The following OR52N5 variants were observed in gnomAD, a reference collection of about 807,000 sequenced individuals.
OR52N5 encodes the protein olfactory receptor 52N5.
In OR52N5, 10 loss-of-function variants were observed where a neutral mutation model predicts 14.1. That is an observed-to-expected ratio of 0.71 (90% CI 0.44 to 1.20). The LOEUF (loss-of-function observed/expected upper bound fraction) is 1.20, where lower values mean the gene tolerates loss of function less well. Among genes scored for constraint, OR52N5 ranks in the 50% most tolerant of loss-of-function variants. The probability of loss-of-function intolerance (pLI) is 0.00; values close to 1 mark genes in which losing one functional copy is unlikely to be tolerated. For synonymous variants in OR52N5, 116 were observed against 143.0 expected (o/e 0.81, Z 1.35); for missense variants, 361 against 403.2 (o/e 0.90, Z 0.90).
rs1854546830 is a variant in OR52N5 at position 5,781,175 on chromosome 11, T to G, written c.-24+358A>C. Reference sequence around the variant, plus strand: ...AATGCAGAAGTTGTGGACTAACATGTAGTAGTTCAGTGATTTATTTTCTCA... The same window carrying G: ...AATGCAGAAGTTGTGGACTAACATGGAGTAGTTCAGTGATTTATTTTCTCA... On this transcript the variant is annotated intron_variant, in intron 2 of 2. Coordinates refer to ENST00000641181, the MANE Select transcript of OR52N5 (RefSeq NM_001385662.1). Among the ~76,000 whole-genome samples the G allele has an allele frequency of 2.1e-5, 3 of 139,836 alleles. No homozygotes were observed. In the Admixed American group the frequency reaches 2.2e-4, roughly 10 times the overall value. 91.7% of individuals were successfully genotyped at this position (139,836 alleles called of 152,430 possible).
In OR52N5 at chr11:5,778,538, C is replaced by G. The variant is rs1367825962; in HGVS notation, c.97G>C (p.Val33Leu). ...NGIPGLERVHVWISLPLCTMY... is the reference protein window; with the variant it reads ...NGIPGLERVHLWISLPLCTMY... Reference sequence around the variant, plus strand: ...GTGCAGAGTGGGAGGGAGATCCATACATGTACTCTTTCCAGACCAGGTATT... The same window carrying G: ...GTGCAGAGTGGGAGGGAGATCCATAGATGTACTCTTTCCAGACCAGGTATT... The change falls in exon 3 of 3, where the codon GTA (valine) becomes CTA (leucine). Residue 33 changes from valine (V) to leucine (L), a missense_variant. Coordinates refer to ENST00000641181, the MANE Select transcript of OR52N5 (RefSeq NM_001385662.1). 1 of 1,512,688 alleles carries G rather than the reference C, an allele frequency of 6.6e-7. No individual in the cohort carries two copies. Among genetic ancestry groups the G allele is most frequent in the East Asian group, 2.3e-5 (1 of 42,842 alleles). 93.7% of individuals were successfully genotyped at this position (1,512,688 alleles called of 1,614,324 possible). A position where few individuals can be genotyped will look rare whatever the true frequency, so the allele number is the denominator to read the frequency against.
intron 1 of OR52N5, among the ~76,000 whole-genome samples, chr11:5,782,864 C>G (rs1854559159): frequency 1.4e-5 from 2 of 138,222 alleles, no homozygotes; most frequent in Non-Finnish European, 3.2e-5. Context: ...GTTGTATGAC[C>G]CAACTTAAGA....
chr11:5,777,770 G>C lies in OR52N5; in HGVS notation c.865C>G (p.Leu289Val). Residue 289 changes from leucine to valine, a missense_variant, in exon 3 of 3, where the codon CTT becomes GTT. Coordinates refer to ENST00000641181, the MANE Select transcript of OR52N5 (RefSeq NM_001385662.1). ...AGAGTTGGGGGAAGAAGAAGATAAAGATTAGCCACAATGATGTGAAGAGAA... is the reference window on the plus strand; with the variant it reads ...AGAGTTGGGGGAAGAAGAAGATAAACATTAGCCACAATGATGTGAAGAGAA... Reference protein sequence around the residue: ...PPSLHIIVANLYLLLPPTLNP... With the variant: ...PPSLHIIVANVYLLLPPTLNP... 2 of 1,520,712 alleles carry C rather than the reference G, an allele frequency of 1.3e-6. 1 individual carries two copies. The highest frequency in any genetic ancestry group is 1.8e-6 in the Non-Finnish European group (2 of 1,114,356). The allele number at this position is 1,520,712 out of a possible 1,614,324, so 94.2% of individuals were successfully genotyped here.
At position 5,777,754 on chromosome 11, in the gene OR52N5, GGAA is replaced by G. The variant is rs755572387; in HGVS notation, c.878_880del (p.Leu293del). ...ATAAACAATAGGGTTTAGAGTTGGG[GGAA>G]GAAGAAGATAAAGATTAGCCACAAT... On this transcript the variant is annotated inframe_deletion, in exon 3 of 3. Transcript: ENST00000641181. The G allele has an allele frequency of 6.9e-5, 105 of 1,519,170 alleles. 22 individuals are homozygous for G. Among genetic ancestry groups the G allele is most frequent in the African/African-American group, 4.4e-4 (31 of 70,068 alleles). The allele number at this position is 1,519,170 out of a possible 1,614,324, so 94.1% of individuals were successfully genotyped here. A position where few individuals can be genotyped will look rare whatever the true frequency, so the allele number is the denominator to read the frequency against.
At position 5,777,685 on chromosome 11, in the gene OR52N5, A is replaced by T; in HGVS notation, c.950T>A (p.Phe317Tyr). 1 of 1,489,782 alleles carries T rather than the reference A, an allele frequency of 6.7e-7. No homozygotes were observed. The allele number at this position is 1,489,782 out of a possible 1,614,324, so 92.3% of individuals were successfully genotyped here. The change falls in exon 3 of 3, where the codon TTC (phenylalanine) becomes TAC (tyrosine). Residue 317 changes from phenylalanine (F) to tyrosine (Y), a missense_variant. Coordinates refer to ENST00000641181, the MANE Select transcript of OR52N5 (RefSeq NM_001385662.1). Reference protein sequence around the residue: ...KQIRKSVIKFFQGDKGAG With the variant: ...KQIRKSVIKFYQGDKGAG The stretch of plus-strand genomic sequence containing the variant: ...TCAACCTGCACCCTTATCACCCTGG[A>T]AGAACTTTATGACACTCTTGCGTAT...
chr11:5,781,004 T>C (rs1026720224), intron 2 of OR52N5, among the ~76,000 whole-genome samples: 1 of 140,374 alleles, frequency 7.1e-6, no homozygotes, highest in Non-Finnish European at 1.6e-5. Flanking sequence ...GAATGAGCTA[T>C]TGCCGTTAAA....
rs1360931471 is a variant in OR52N5 at position 5,776,294 on chromosome 11, G to C, written c.*1366C>G. On this transcript the variant is annotated 3_prime_UTR_variant, in exon 3 of 3. Coordinates refer to ENST00000641181, the MANE Select transcript of OR52N5 (RefSeq NM_001385662.1). The stretch of plus-strand genomic sequence containing the variant: ...ACTAACAAATGAAGCATGAATGAAT[G>C]AATCAGTGAATCAATGATTTAATCA... 7.1e-6 allele frequency: 1 copy of C among 140,012 alleles called. No individual in the cohort carries two copies. The highest frequency in any genetic ancestry group is 1.6e-5 in the Non-Finnish European group (1 of 63,306). 8.7% of individuals were successfully genotyped at this position (140,012 alleles called of 1,614,324 possible).
chr11:5,782,110 A>G lies in OR52N5; in HGVS notation c.-247-354T>C, dbSNP rs1048702243. Among the ~76,000 whole-genome samples, 3 of 140,392 alleles carry G rather than the reference A, an allele frequency of 2.1e-5. 1 individual carries two copies. Among genetic ancestry groups the G allele is most frequent in the Non-Finnish European group, 4.7e-5 (3 of 63,476 alleles). 92.1% of individuals were successfully genotyped at this position (140,392 alleles called of 152,430 possible). The stretch of plus-strand genomic sequence containing the variant: ...CTAAAATGTTTTCCCAGAAATGTCA[A>G]ATCAACCTTTTAATGACACAAAATG... On this transcript the variant is annotated intron_variant, in intron 1 of 2. Transcript: ENST00000641181.
At chr11:5,782,935 G>A (rs908769275) in intron 1 of OR52N5, among the ~76,000 whole-genome samples, 1 of 138,728 alleles carries the variant, frequency 7.2e-6, no homozygotes, top group Non-Finnish European at 1.6e-5. Flanking sequence ...GTAGCTATTT[G>A]TTTTTTCCTG....
intron 2 of OR52N5, among the ~76,000 whole-genome samples, chr11:5,779,057 C>T (rs778340993): frequency 5.0e-5 from 7 of 139,956 alleles, no homozygotes; most frequent in African/African-American, 1.6e-4. Context: ...ATGTGAAGCA[C>T]GGTCCAAAAT....
Position 5,780,675 on chromosome 11 carries a change from GATT to G in OR52N5, c.-24+855_-24+857del, listed in dbSNP as rs1457803452. Among the ~76,000 whole-genome samples the G allele has an allele frequency of 1.4e-5, 2 of 139,050 alleles. 1 individual carries two copies. The highest frequency in any genetic ancestry group is 3.2e-5 in the Non-Finnish European group (2 of 62,940). The allele number at this position is 139,050 out of a possible 152,430, so 91.2% of individuals were successfully genotyped here. A position where few individuals can be genotyped will look rare whatever the true frequency, so the allele number is the denominator to read the frequency against. On this transcript the variant is annotated intron_variant, in intron 2 of 2. Transcript: ENST00000641181. ...TAAATTGAATAATGTAGAAAAAATGGATTATTTGACTCAGTAACATACCAAGAC... is the reference window on the plus strand; with the variant it reads ...TAAATTGAATAATGTAGAAAAAATGGATTTGACTCAGTAACATACCAAGAC...
In OR52N5 at chr11:5,778,436, T is replaced by C. The variant is rs1461688510; in HGVS notation, c.199A>G (p.Met67Val). 7.9e-6 allele frequency: 12 copies of C among 1,513,904 alleles called. No homozygotes were observed. Among genetic ancestry groups the C allele is most frequent in the Non-Finnish European group, 1.1e-5 (12 of 1,109,348 alleles). The allele number at this position is 1,513,904 out of a possible 1,614,324, so 93.8% of individuals were successfully genotyped here. ...AGAGCATGGCCAAAAAAAAAATACATCGGATGATGTAAGGACTCCTCATAA... is the reference window on the plus strand; with the variant it reads ...AGAGCATGGCCAAAAAAAAAATACACCGGATGATGTAAGGACTCCTCATAA... ...IYYEESLHHPMYFFFGHALSL... is the reference protein window; with the variant it reads ...IYYEESLHHPVYFFFGHALSL... Residue 67 changes from methionine to valine, a missense_variant, in exon 3 of 3, where the codon ATG (methionine) becomes GTG (valine). Coordinates refer to ENST00000641181, the MANE Select transcript of OR52N5 (RefSeq NM_001385662.1).
At chr11:5,780,627 T>A (rs1350192568) in intron 2 of OR52N5, among the ~76,000 whole-genome samples, 2 of 139,102 alleles carry the variant, frequency 1.4e-5, no homozygotes, top group Non-Finnish European at 3.2e-5. Flanking sequence ...CATAAGAGAC[T>A]ACTATGAACA....
rs762450682 is a variant in OR52N5 at position 5,778,204 on chromosome 11, G to A, written c.431C>T (p.Thr144Ile). ...CTTGGCAATGATAGGGTTGGTGAGT[G>A]TGGTAGCATAACGCAAAGGGTAGCA... ...AICYPLRYAT[T>I]LTNPIIAKAE... Residue 144 changes from threonine to isoleucine, a missense_variant, in exon 3 of 3, where the codon ACA (threonine) becomes ATA (isoleucine). Physicochemically the swap from Thr to Ile is moderately conservative, Grantham distance 89. Coordinates refer to ENST00000641181, the MANE Select transcript of OR52N5 (RefSeq NM_001385662.1). 4 of 1,520,192 alleles carry A rather than the reference G, an allele frequency of 2.6e-6. 2 individuals carry two copies. In the East Asian group the frequency reaches 9.3e-5, roughly 35 times the overall value. The allele number at this position is 1,520,192 out of a possible 1,614,324, so 94.2% of individuals were successfully genotyped here. A position where few individuals can be genotyped will look rare whatever the true frequency, so the allele number is the denominator to read the frequency against.
In OR52N5 at chr11:5,777,488, G is replaced by A. The variant is rs1371471590; in HGVS notation, c.*172C>T. On this transcript the variant is annotated 3_prime_UTR_variant, in exon 3 of 3. Coordinates refer to ENST00000641181, the MANE Select transcript of OR52N5 (RefSeq NM_001385662.1). ...AGACAAAAATTAAGGGAAAGGCACT[G>A]AGATATACATCCAGAATGGGCTATA... 2 of 441,722 alleles carry A rather than the reference G, an allele frequency of 4.5e-6. No homozygotes were observed. The highest frequency in any genetic ancestry group is 7.5e-6 in the Non-Finnish European group (2 of 265,882). 27.4% of individuals were successfully genotyped at this position (441,722 alleles called of 1,614,324 possible).
chr11:5,778,733 TAA>T, intron 2 of OR52N5, 76 bp from the exon 3 acceptor site: 4 of 806,582 alleles, frequency 5.0e-6, no homozygotes, highest in Non-Finnish European at 7.5e-6. Context: ...AGAATAAAAT[TAA>T]GTTTATAATG....
intron 2 of OR52N5, among the ~76,000 whole-genome samples, chr11:5,779,809 A>G (rs1157705872): frequency 7.2e-6 from 1 of 139,300 alleles, no homozygotes. Context: ...ATCTACTACA[A>G]TACCTAAACT....
Position 5,778,275 on chromosome 11 carries a change from C to A in OR52N5, c.360G>T (p.Glu120Asp). 3 of 1,521,326 alleles carry A rather than the reference C, an allele frequency of 2.0e-6. 1 individual carries two copies. The highest frequency in any genetic ancestry group is 2.7e-6 in the Non-Finnish European group (3 of 1,114,966). The allele number at this position is 1,521,326 out of a possible 1,614,324, so 94.2% of individuals were successfully genotyped here. ...MFFVHGFTGV[E>D]SGVLMLMALD... ...GAGCCATGAGCATGAGCACCCCAGA[C>A]TCCACACCTGTGAACCCATGAACAA... The change falls in exon 3 of 3, where the codon GAG becomes GAT. Residue 120 changes from glutamate to aspartate, a missense_variant. By Grantham distance (45) the Glu-to-Asp change is conservative. Coordinates refer to ENST00000641181, the MANE Select transcript of OR52N5 (RefSeq NM_001385662.1).
At position 5,778,434 on chromosome 11, in the gene OR52N5, C is replaced by T. The variant is rs1218172121; in HGVS notation, c.201G>A (p.Met67Ile). The change falls in exon 3 of 3, where the codon ATG (methionine) becomes ATA (isoleucine). Residue 67 changes from methionine (M) to isoleucine (I), a missense_variant. Transcript: ENST00000641181. ...IYYEESLHHP[M>I]YFFFGHALSL... is the part of the protein sequence containing the mutation. ...AGAGAGCATGGCCAAAAAAAAAATA[C>T]ATCGGATGATGTAAGGACTCCTCAT... is the stretch of plus-strand genomic sequence containing the variant. 9.9e-6 allele frequency: 15 copies of T among 1,514,674 alleles called. 1 individual carries two copies. The highest frequency in any genetic ancestry group is 1.2e-5 in the Non-Finnish European group (13 of 1,109,578). 93.8% of individuals were successfully genotyped at this position (1,514,674 alleles called of 1,614,324 possible).
Sources: allele counts gnomAD v4.1 joint callset (sites outside exome capture counted in the v4.1 genomes callset), GRCh38; gene constraint gnomAD v4.1.1; transcripts MANE v1.5; gene names NCBI Gene and HGNC (gene_info 2026-07-23, HGNC 2026-07-21).